NKAIN2: variants seen among roughly 807,000 people sequenced by gnomAD.
NKAIN2 encodes the protein sodium/potassium-transporting ATPase subunit beta-1-interacting protein 2.
NKAIN2 carries 14 observed loss-of-function variants against 32.6 expected under a neutral mutation model. The ratio of observed to expected loss-of-function variants is 0.43; its 90% CI spans 0.28 to 0.67. The LOEUF (loss-of-function observed/expected upper bound fraction) is 0.67, where lower values mean the gene tolerates loss of function less well. NKAIN2 is among the 30% of genes least tolerant of loss of function. The pLI is 0.17. For synonymous variants in NKAIN2, 80 were observed against 87.2 expected (o/e 0.92, Z 0.46); for missense variants, 198 against 258.3 (o/e 0.77, Z 1.60).
At chr6:124,390,008 G>T (rs1200206742) in intron 3 of NKAIN2, among the ~76,000 whole-genome samples, 3 of 152,000 alleles carry the variant, frequency 2.0e-5, no homozygotes, top group Non-Finnish European at 4.4e-5. Flanking sequence ...ATATCTGAAG[G>T]CTTAGGTTAT....
At chr6:123,815,796 TAC>T (rs913641897) in intron 1 of NKAIN2, among the ~76,000 whole-genome samples, 1 of 152,200 alleles carries the variant, frequency 6.6e-6, no homozygotes, top group Admixed American at 6.5e-5. Flanking sequence ...GATATATGTA[TAC>T]ACACACACGT....
chr6:124,345,727 T>C (rs1468274486), intron 2 of NKAIN2, among the ~76,000 whole-genome samples: 1 of 152,024 alleles, frequency 6.6e-6, no homozygotes, highest in African/African-American at 2.4e-5. Context: ...TTCTCTCTTT[T>C]CTTCTTTATT....
intron 1 of NKAIN2, among the ~76,000 whole-genome samples, chr6:124,015,211 TTC>T (rs1181733369): frequency 1.3e-5 from 2 of 152,186 alleles, no homozygotes; most frequent in African/African-American, 2.4e-5. Context: ...AAGGGATGCT[TTC>T]TCTTTCTTGG....
intron 3 of NKAIN2, among the ~76,000 whole-genome samples, chr6:124,474,642 T>C (rs1583305195): frequency 2.0e-5 from 3 of 151,886 alleles, no homozygotes; most frequent in African/African-American, 7.2e-5. Context: ...GTTTTAAATA[T>C]TTGTCAAATT....
chr6:123,829,928 T>C (rs1019982006), intron 1 of NKAIN2, among the ~76,000 whole-genome samples: 5 of 152,202 alleles, frequency 3.3e-5, no homozygotes, highest in African/African-American at 9.6e-5. Context: ...TGGGGACATG[T>C]ATATTGTTGT....
intron 3 of NKAIN2, among the ~76,000 whole-genome samples, chr6:124,369,633 G>A (rs1209043247): frequency 6.6e-6 from 1 of 152,026 alleles, no homozygotes; most frequent in African/African-American, 2.4e-5. Context: ...GTGGCCCAGG[G>A]AAGCCAAAAG....
At chr6:124,282,984 C>T in intron 1 of NKAIN2, 21 bp from the exon 2 acceptor site, 2 of 1,612,100 alleles carry the variant, frequency 1.2e-6, no homozygotes, top group Non-Finnish European at 1.7e-6. Context: ...CTGATCTGTC[C>T]ATCCTGTTTT....
chr6:124,161,855 G>C (rs1788294043), intron 1 of NKAIN2, among the ~76,000 whole-genome samples: 1 of 151,844 alleles, frequency 6.6e-6, no homozygotes, highest in Non-Finnish European at 1.5e-5. Flanking sequence ...TCACTACCTG[G>C]GTGACGGGAT....
intron 3 of NKAIN2, among the ~76,000 whole-genome samples, chr6:124,483,758 A>G (rs1466425864): frequency 6.6e-6 from 1 of 152,028 alleles, no homozygotes; most frequent in African/African-American, 2.4e-5. Flanking sequence ...CCAAGAAAAT[A>G]AAAATTGTGC....
chr6:124,808,413 G>T (rs1438816023), intron 5 of NKAIN2, among the ~76,000 whole-genome samples: 1 of 152,112 alleles, frequency 6.6e-6, no homozygotes, highest in Non-Finnish European at 1.5e-5. Context: ...TGCAGAAAAG[G>T]CCTTTGACAA....
intron 4 of NKAIN2, among the ~76,000 whole-genome samples, chr6:124,749,480 A>C (rs1301313821): frequency 6.6e-6 from 1 of 151,974 alleles, no homozygotes; most frequent in African/African-American, 2.4e-5. Context: ...TAGGGTAAAA[A>C]AGAAAATTAT....
chr6:124,008,079 G>C (rs917234229), intron 1 of NKAIN2, among the ~76,000 whole-genome samples: 1 of 152,154 alleles, frequency 6.6e-6, no homozygotes, highest in Non-Finnish European at 1.5e-5. Context: ...CTGACCCAGT[G>C]ATGACCGAGG....
At chr6:124,583,011 T>A (rs552038028) in intron 3 of NKAIN2, among the ~76,000 whole-genome samples, 1 of 152,186 alleles carries the variant, frequency 6.6e-6, no homozygotes, top group East Asian at 1.9e-4. Context: ...ACAGCTAGTA[T>A]CATACTGAAT....
At chr6:124,707,444 T>C (rs560522003) in intron 4 of NKAIN2, among the ~76,000 whole-genome samples, 2,617 of 150,624 alleles carry the variant, frequency 0.017, 39 homozygotes, top group Middle Eastern at 0.027. Flanking sequence ...TGAACTAGTT[T>C]ACAGTCCCAC....
chr6:124,312,086 T>C (rs1294448856), intron 2 of NKAIN2, among the ~76,000 whole-genome samples: 1 of 152,170 alleles, frequency 6.6e-6, no homozygotes, highest in East Asian at 1.9e-4. Context: ...CACTTTTTAT[T>C]TGCATACATG....
intron 5 of NKAIN2, among the ~76,000 whole-genome samples, chr6:124,807,216 C>T (rs1305975004): frequency 2.0e-5 from 3 of 152,098 alleles, no homozygotes; most frequent in Non-Finnish European, 4.4e-5. Flanking sequence ...ACACCTATTC[C>T]AAAATTGACC....
At chr6:124,472,272 G>A (rs1777005473) in intron 3 of NKAIN2, among the ~76,000 whole-genome samples, 1 of 152,106 alleles carries the variant, frequency 6.6e-6, no homozygotes, top group Non-Finnish European at 1.5e-5. Flanking sequence ...ATTTACAAAT[G>A]ATTTGTTTAG....
intron 4 of NKAIN2, among the ~76,000 whole-genome samples, chr6:124,711,962 G>A (rs1053685671): frequency 3.3e-5 from 5 of 151,972 alleles, no homozygotes; most frequent in Non-Finnish European, 5.9e-5. Flanking sequence ...ATCTACTTTT[G>A]GTCTTTGACG....
At chr6:124,600,008 A>G (rs1280047038) in intron 3 of NKAIN2, among the ~76,000 whole-genome samples, 1 of 152,076 alleles carries the variant, frequency 6.6e-6, no homozygotes, top group East Asian at 1.9e-4. Context: ...AGAGCTCCCA[A>G]ATGGATTTCA....
Sources: allele counts gnomAD v4.1 joint callset (sites outside exome capture counted in the v4.1 genomes callset), GRCh38; gene constraint gnomAD v4.1.1; transcripts MANE v1.5; gene names NCBI Gene and HGNC (gene_info 2026-07-23, HGNC 2026-07-21).